The following PARP11 variants were observed in gnomAD, a reference collection of about 807,000 sequenced individuals.
The protein encoded by PARP11 is poly(ADP-ribose) polymerase family member 11, also known as protein mono-ADP-ribosyltransferase PARP11.
In PARP11, 31 loss-of-function variants were observed where a neutral mutation model predicts 42.9. The ratio of observed to expected loss-of-function variants is 0.72; its 90% CI spans 0.54 to 0.98. The LOEUF is 0.98. PARP11 is among the 50% of genes least tolerant of loss of function. The pLI is 0.00. For synonymous variants in PARP11, 137 were observed against 127.3 expected (o/e 1.08, Z -0.51); for missense variants, 365 against 413.1 (o/e 0.88, Z 1.01).
intron 1 of PARP11, among the ~76,000 whole-genome samples, chr12:3,854,005 G>C (rs1948146582): frequency 6.6e-6 from 1 of 152,132 alleles, no homozygotes; most frequent in East Asian, 1.9e-4. Context: ...ACAACTGCAT[G>C]GAAACTGAAC....
In PARP11 at chr12:3,840,654, AATC is replaced by A; in HGVS notation, c.19-10639_19-10637del. ...AGTAGCAATCCATGTGTCCAGAGAA[AATC>A]ATCACACGTAAGTGATAGAAAAGGA... On this transcript the variant is annotated intron_variant, in intron 1 of 7. Coordinates refer to ENST00000228820, the MANE Select transcript of PARP11 (RefSeq NM_020367.6). The surrounding 1 kb of genome is among the most constrained non-coding windows in gnomAD (Gnocchi z 4.4). 8.3e-7 allele frequency: 1 copy of A among 1,203,728 alleles called. No homozygotes were observed. The highest frequency in any genetic ancestry group is 1.2e-5 in the South Asian group (1 of 82,946). 74.6% of individuals were successfully genotyped at this position (1,203,728 alleles called of 1,614,324 possible).
intron 1 of PARP11, among the ~76,000 whole-genome samples, chr12:3,849,902 T>A (rs1948065013): frequency 6.6e-6 from 1 of 152,130 alleles, no homozygotes; most frequent in African/African-American, 2.4e-5. Flanking sequence ...GTAAATTTTA[T>A]GTGAATTTAT....
intron 1 of PARP11, among the ~76,000 whole-genome samples, chr12:3,869,372 A>G (rs184924197): frequency 2.0e-5 from 3 of 152,368 alleles, no homozygotes; most frequent in Admixed American, 1.3e-4. Flanking sequence ...AAATATGTTC[A>G]TGACACTTCC....
At position 3,814,065 on chromosome 12, in the gene PARP11, A is replaced by G; in HGVS notation, c.672T>C (p.Asn224=). 1 of 1,604,388 alleles carries G rather than the reference A, an allele frequency of 6.2e-7. No individual in the cohort carries two copies. Among genetic ancestry groups the G allele is most frequent in the Non-Finnish European group, 8.5e-7 (1 of 1,174,058 alleles). The stretch of plus-strand genomic sequence containing the variant: ...TTCCAAAGACAGCACCATGTATACC[A>G]TTTATTCTCCAATCAAAGTTATGAA... ...ICIHNFDWRI[N]GIHGAVFGKG... Residue 224 remains asparagine (N), a synonymous_variant, in exon 7 of 8, where the codon AAT becomes AAC. Coordinates refer to ENST00000228820, the MANE Select transcript of PARP11 (RefSeq NM_020367.6).
Position 3,871,678 on chromosome 12 carries a change from AATACC to A in PARP11, c.18+1529_18+1533del, listed in dbSNP as rs1479426347. 3.3e-5 allele frequency: 5 copies of A among 152,344 alleles called. No homozygotes were observed. In the East Asian group the frequency reaches 9.6e-4, roughly 29 times the overall value. The allele number at this position is 152,344 out of a possible 1,614,324, so 9.4% of individuals were successfully genotyped here. On this transcript the variant is annotated intron_variant, in intron 1 of 7. Coordinates refer to ENST00000228820, the MANE Select transcript of PARP11 (RefSeq NM_020367.6). The stretch of plus-strand genomic sequence containing the variant: ...TTTTCCAGTCAACTCCTAAGTTTTA[AATACC>A]ATACATCTGCCACCTTACCAGGCAG...
Position 3,814,054 on chromosome 12 carries a change from C to T in PARP11, c.683G>A (p.Gly228Asp), listed in dbSNP as rs767357669. 28 of 1,585,194 alleles carry T rather than the reference C, an allele frequency of 1.8e-5. No homozygotes were observed. The highest frequency in any genetic ancestry group is 2.3e-5 in the Non-Finnish European group (27 of 1,162,600). Residue 228 changes from glycine (G) to aspartate (D), a missense_variant, in exon 7 of 8, where the codon GGT (glycine) becomes GAT (aspartate). By Grantham distance (94) the Gly-to-Asp change is moderately conservative. Transcript: ENST00000228820. ...ATAATTACCTTTTCCAAAGACAGCACCATGTATACCATTTATTCTCCAATC... is the reference window on the plus strand; with the variant it reads ...ATAATTACCTTTTCCAAAGACAGCATCATGTATACCATTTATTCTCCAATC... Reference protein sequence around the residue: ...NFDWRINGIHGAVFGKGTYFA... With the variant: ...NFDWRINGIHDAVFGKGTYFA...
intron 1 of PARP11, among the ~76,000 whole-genome samples, chr12:3,835,436 CTA>C (rs1947740659): frequency 3.9e-5 from 6 of 152,206 alleles, no homozygotes; most frequent in Admixed American, 3.9e-4. Context: ...TCCAGAGTTG[CTA>C]TGTTACTTAA....
chr12:3,851,185 C>A (rs555303141), intron 1 of PARP11, among the ~76,000 whole-genome samples: 1 of 152,194 alleles, frequency 6.6e-6, no homozygotes, highest in East Asian at 1.9e-4. Flanking sequence ...CAGCTCCCAG[C>A]GTGACTGACA....
chr12:3,820,952 T>C (rs1245845924), intron 6 of PARP11, among the ~76,000 whole-genome samples: 1 of 152,188 alleles, frequency 6.6e-6, no homozygotes, highest in Non-Finnish European at 1.5e-5. Flanking sequence ...CCATGTATCA[T>C]TACCAAACAA....
At chr12:3,853,947 A>C (rs959068020) in intron 1 of PARP11, among the ~76,000 whole-genome samples, 5 of 152,232 alleles carry the variant, frequency 3.3e-5, no homozygotes, top group African/African-American at 4.8e-5. Flanking sequence ...CTCAGACCAC[A>C]GTGTAATCAA....
At chr12:3,847,667 CGT>C (rs1422653597) in intron 1 of PARP11, among the ~76,000 whole-genome samples, 1 of 152,046 alleles carries the variant, frequency 6.6e-6, no homozygotes, top group Non-Finnish European at 1.5e-5. Context: ...ATAGAAGAAA[CGT>C]ATCTCAAAAT....
intron 1 of PARP11, among the ~76,000 whole-genome samples, chr12:3,849,054 G>A (rs1194475503): frequency 2.0e-5 from 3 of 151,534 alleles, no homozygotes; most frequent in Non-Finnish European, 2.9e-5. Flanking sequence ...ACAGGTATAT[G>A]AGAAAATGCT....
intron 1 of PARP11, among the ~76,000 whole-genome samples, chr12:3,832,348 C>T (rs1276526397): frequency 6.6e-6 from 1 of 152,138 alleles, no homozygotes; most frequent in African/African-American, 2.4e-5. Context: ...AAAACCGAAG[C>T]AGAGAATAAT....
Position 3,866,577 on chromosome 12 carries a change from C to T in PARP11, c.18+6635G>A, listed in dbSNP as rs1470027053. ...TCACTATAATATCCCATTATATTCACTCTCTGTTGATACATTCATATCAGC... is the reference window on the plus strand; with the variant it reads ...TCACTATAATATCCCATTATATTCATTCTCTGTTGATACATTCATATCAGC... On this transcript the variant is annotated intron_variant, in intron 1 of 7. Coordinates refer to ENST00000228820, the MANE Select transcript of PARP11 (RefSeq NM_020367.6). Among the ~76,000 whole-genome samples the T allele has an allele frequency of 3.3e-5, 5 of 152,134 alleles. No homozygotes were observed. The South Asian group carries it at 1.0e-3, about 31-fold the overall frequency.
At position 3,821,969 on chromosome 12, in the gene PARP11, T is replaced by C; in HGVS notation, c.452A>G (p.Asn151Ser). 1.2e-6 allele frequency: 2 copies of C among 1,610,608 alleles called. No individual in the cohort carries two copies. The highest frequency in any genetic ancestry group is 1.1e-5 in the South Asian group (1 of 90,396). The change falls in exon 6 of 8, where the codon AAT becomes AGT. Residue 151 changes from asparagine to serine, a missense_variant. Asn to Ser is a conservative substitution (Grantham distance 46). Coordinates refer to ENST00000228820, the MANE Select transcript of PARP11 (RefSeq NM_020367.6). The part of the protein sequence containing the change: ...IPLHNQTHEY[N>S]EVANLFGKTM... ...CTTCCCAAAGAGATTAGCAACTTCA[T>C]TATATTCATGTGTTTGATTGTGCAG...
At chr12:3,871,170 C>T (rs1318545690) in intron 1 of PARP11, among the ~76,000 whole-genome samples, 1 of 151,990 alleles carries the variant, frequency 6.6e-6, no homozygotes, top group East Asian at 1.9e-4. Context: ...GAAATATATT[C>T]CAGAAATGAG....
At position 3,840,220 on chromosome 12, in the gene PARP11, G is replaced by C; in HGVS notation, c.19-10202C>G. 6.2e-7 allele frequency: 1 copy of C among 1,611,434 alleles called. No individual in the cohort carries two copies. Among genetic ancestry groups the C allele is most frequent in the Non-Finnish European group, 8.5e-7 (1 of 1,177,528 alleles). On this transcript the variant is annotated intron_variant, in intron 1 of 7. Coordinates refer to ENST00000228820, the MANE Select transcript of PARP11 (RefSeq NM_020367.6). This position sits in a 1 kb window ranked among gnomAD's most constrained non-coding sequence, Gnocchi z 4.4. ...AAAATTTTTGAATGCAGACGTTCAAGGAGTTCATTCTGAGAATGGACCAGT... is the reference window on the plus strand; with the variant it reads ...AAAATTTTTGAATGCAGACGTTCAACGAGTTCATTCTGAGAATGGACCAGT...
chr12:3,821,995 A>G lies in PARP11; in HGVS notation c.426T>C (p.Pro142=), dbSNP rs1303463474. Residue 142 remains proline (P), a synonymous_variant, in exon 6 of 8, where the codon CCT becomes CCC. Coordinates refer to ENST00000228820, the MANE Select transcript of PARP11 (RefSeq NM_020367.6). Reference sequence around the variant, plus strand: ...TATATTCATGTGTTTGATTGTGCAGAGGAATAAGCTGGAAAAATAAATTTG... The same window carrying G: ...TATATTCATGTGTTTGATTGTGCAGGGGAATAAGCTGGAAAAATAAATTTG... ...VNTQVPYQLI[P]LHNQTHEYNE... The G allele has an allele frequency of 1.9e-6, 3 of 1,606,858 alleles. No individual in the cohort carries two copies. The highest frequency in any genetic ancestry group is 2.5e-6 in the Non-Finnish European group (3 of 1,177,358).
chr12:3,832,143 A>G, intron 1 of PARP11: 1 of 980,934 alleles, frequency 1.0e-6, no homozygotes, highest in Non-Finnish European at 1.2e-6. Context: ...CAGGTTATAA[A>G]TGAAAGTGTT....
Sources: gnomAD v4.1 joint callset for allele counts (sites outside exome capture counted in the v4.1 genomes callset) on GRCh38, gnomAD v4.1.1 for gene constraint, Gnocchi (gnomAD v3.1) non-coding constraint, MANE v1.5 for transcripts, NCBI Gene and HGNC (gene_info 2026-07-23, HGNC 2026-07-21) for gene names.